STX8: variants seen among roughly 807,000 people sequenced by gnomAD.
The protein encoded by STX8 is syntaxin 8, also known as syntaxin-8.
STX8 carries 23 observed loss-of-function variants against 37.5 expected under a neutral mutation model. The observed-to-expected ratio is 0.61, with a 90% CI of 0.44 to 0.87. The LOEUF is 0.87. Among genes scored for constraint, STX8 ranks in the 40% least tolerant of loss-of-function variants. The pLI is 0.00. For synonymous variants in STX8, 115 were observed against 99.1 expected, an observed-to-expected ratio of 1.16 and a Z score of -0.95; for missense variants, 313 against 284.7, an observed-to-expected ratio of 1.10 and a Z score of -0.71.
intron 7 of STX8, among the ~76,000 whole-genome samples, chr17:9,311,839 A>C (rs141892817): frequency 5.9e-5 from 9 of 152,156 alleles, no homozygotes; most frequent in African/African-American, 2.2e-4. Flanking sequence ...GTTAGTGTTA[A>C]ATTCTCTTTT....
At chr17:9,338,246 T>C (rs1192132386) in intron 7 of STX8, among the ~76,000 whole-genome samples, 2 of 151,310 alleles carry the variant, frequency 1.3e-5, no homozygotes, top group East Asian at 3.9e-4. Context: ...TAGAGATGGG[T>C]TTTCACCATG....
intron 7 of STX8, among the ~76,000 whole-genome samples, chr17:9,259,260 T>C (rs1407949771): frequency 6.6e-6 from 1 of 152,182 alleles, no homozygotes; most frequent in Non-Finnish European, 1.5e-5. Flanking sequence ...ACATGAAACT[T>C]CTAGAACATA....
At chr17:9,514,469 G>T (rs992851976) in intron 4 of STX8, among the ~76,000 whole-genome samples, 1 of 152,094 alleles carries the variant, frequency 6.6e-6, no homozygotes, top group Non-Finnish European at 1.5e-5. Flanking sequence ...GCTAGGCATG[G>T]TGGCGGGCGC....
At chr17:9,481,911 C>T (rs948507351) in intron 6 of STX8, among the ~76,000 whole-genome samples, 4 of 152,122 alleles carry the variant, frequency 2.6e-5, no homozygotes, top group Admixed American at 6.5e-5. Context: ...CCTGAAACTA[C>T]CCCCCATCCT....
At chr17:9,499,846 G>A (rs1904547955) in intron 5 of STX8, among the ~76,000 whole-genome samples, 1 of 152,210 alleles carries the variant, frequency 6.6e-6, no homozygotes, top group Non-Finnish European at 1.5e-5. Context: ...GCTCTGTTTT[G>A]GAGACTGTGA....
intron 6 of STX8, among the ~76,000 whole-genome samples, chr17:9,444,721 T>C (rs1216468135): frequency 6.6e-6 from 1 of 152,264 alleles, no homozygotes; most frequent in African/African-American, 2.4e-5. Context: ...TCTTCCTTTT[T>C]TTAGTGCAAC....
chr17:9,538,414 G>A (rs1400477740), intron 4 of STX8, among the ~76,000 whole-genome samples: 1 of 152,110 alleles, frequency 6.6e-6, no homozygotes, highest in Non-Finnish European at 1.5e-5. Flanking sequence ...CATCCTTCTT[G>A]TAAATCAACA....
intron 6 of STX8, among the ~76,000 whole-genome samples, chr17:9,448,932 A>AT (rs568229647): frequency 1.3e-5 from 2 of 152,312 alleles, no homozygotes; most frequent in Admixed American, 6.5e-5. Context: ...TTATTAAAAA[A>AT]ATATATATTA....
At chr17:9,453,835 G>A (rs1403395493) in intron 6 of STX8, among the ~76,000 whole-genome samples, 3 of 152,078 alleles carry the variant, frequency 2.0e-5, no homozygotes, top group Non-Finnish European at 4.4e-5. Context: ...TATGTGTTGA[G>A]TTAATAAATA....
rs553569944 is a variant in STX8, at chr17:9,297,058, A to G, written c.644-46413T>C. ...CAGCATCTGTTCATACAGGACAGGT[A>G]TGAGGACTTCATGACATGATGCTTT... On this transcript the variant is annotated intron_variant, in intron 7 of 7. Transcript: ENST00000306357. 1.6e-4 allele frequency among the ~76,000 whole-genome samples: 25 copies of G among 152,314 alleles called. 1 individual carries two copies. The highest frequency in any genetic ancestry group is 6.5e-5 in the Admixed American group (1 of 15,300).
intron 6 of STX8, among the ~76,000 whole-genome samples, chr17:9,446,223 T>C (rs1483777585): frequency 6.6e-6 from 1 of 152,174 alleles, no homozygotes; most frequent in East Asian, 1.9e-4. Flanking sequence ...TTCACCATGG[T>C]GTCACTAAAG....
At chr17:9,403,097 C>T (rs1296583864) in intron 6 of STX8, among the ~76,000 whole-genome samples, 2 of 152,138 alleles carry the variant, frequency 1.3e-5, no homozygotes, top group African/African-American at 4.8e-5. Context: ...GGTACAGGGA[C>T]ACTCCATAAG....
chr17:9,402,729 A>G (rs529384754), intron 6 of STX8, among the ~76,000 whole-genome samples: 11 of 100,560 alleles, frequency 1.1e-4, no homozygotes, highest in African/African-American at 4.1e-4. Flanking sequence ...AACTGGCTGA[A>G]CTCTAAGAAT....
In STX8 at chr17:9,295,465, C is replaced by T. The variant is rs189300131; in HGVS notation, c.644-44820G>A. 8.1e-4 allele frequency among the ~76,000 whole-genome samples: 123 copies of T among 152,256 alleles called. 1 individual carries two copies. Among genetic ancestry groups the T allele is most frequent in the Admixed American group, 2.2e-3 (34 of 15,300 alleles). ...ATTATCTTGAAAATGTAGGCTGGGACCAGGCACGGTGGCTCACACCAGTAA... is the reference window on the plus strand; with the variant it reads ...ATTATCTTGAAAATGTAGGCTGGGATCAGGCACGGTGGCTCACACCAGTAA... On this transcript the variant is annotated intron_variant, in intron 7 of 7. Transcript: ENST00000306357.
chr17:9,372,407 C>A (rs1454963056), intron 7 of STX8, among the ~76,000 whole-genome samples: 2 of 152,124 alleles, frequency 1.3e-5, no homozygotes, highest in South Asian at 2.1e-4. Flanking sequence ...ATTTCCACCC[C>A]ATTTGCCTGC....
At chr17:9,532,725 G>A (rs1905867231) in intron 4 of STX8, among the ~76,000 whole-genome samples, 1 of 151,788 alleles carries the variant, frequency 6.6e-6, no homozygotes, top group African/African-American at 2.4e-5. Flanking sequence ...CAACCAAACC[G>A]ACTCTTCCAC....
intron 5 of STX8, among the ~76,000 whole-genome samples, chr17:9,500,925 A>G (rs1904587036): frequency 1.3e-5 from 2 of 152,298 alleles, no homozygotes; most frequent in South Asian, 4.1e-4. Flanking sequence ...GAATGTCGTG[A>G]ACCCAGGAGG....
At chr17:9,260,985 CAGG>C (rs911594034) in intron 7 of STX8, among the ~76,000 whole-genome samples, 1 of 152,128 alleles carries the variant, frequency 6.6e-6, no homozygotes, top group African/African-American at 2.4e-5. Flanking sequence ...GCAAGAGAAT[CAGG>C]AGAAGGTGGC....
chr17:9,485,716 GCTGGGA>G (rs1368759786), intron 6 of STX8, among the ~76,000 whole-genome samples: 1 of 151,970 alleles, frequency 6.6e-6, no homozygotes, highest in Non-Finnish European at 1.5e-5. Flanking sequence ...CTCCCGAGTA[GCTGGGA>G]CTACAGGCAT....
Sources: allele counts gnomAD v4.1 joint callset (sites outside exome capture counted in the v4.1 genomes callset), GRCh38; gene constraint gnomAD v4.1.1; transcripts MANE v1.5; gene names NCBI Gene and HGNC (gene_info 2026-07-23, HGNC 2026-07-21).